The following GALNT18 variants were observed in gnomAD, a reference collection of about 807,000 sequenced individuals.
GALNT18 encodes polypeptide N-acetylgalactosaminyltransferase 18.
In GALNT18, 44 loss-of-function variants were observed where a neutral mutation model predicts 69.5. The observed-to-expected ratio is 0.63, with a 90% confidence interval of 0.50 to 0.81. The LOEUF (loss-of-function observed/expected upper bound fraction) is 0.81, where lower values mean the gene tolerates loss of function less well. Ranked by LOEUF, GALNT18 falls within the 40% of genes least tolerant of loss-of-function variation. The pLI is 0.00. For synonymous variants in GALNT18, 364 were observed against 318.2 expected, an observed-to-expected ratio of 1.14 and a Z score of -1.53; for missense variants, 715 against 810.0, an observed-to-expected ratio of 0.88 and a Z score of 1.42.
At chr11:11,400,468 G>A (rs1236037250) in intron 3 of GALNT18, among the ~76,000 whole-genome samples, 1 of 152,214 alleles carries the variant, frequency 6.6e-6, no homozygotes, top group African/African-American at 2.4e-5. Context: ...GAGAATGTAT[G>A]CCCTGTCTAA....
At chr11:11,467,891 G>T (rs1207718878) in intron 1 of GALNT18, among the ~76,000 whole-genome samples, 1 of 152,130 alleles carries the variant, frequency 6.6e-6, no homozygotes, top group African/African-American at 2.4e-5. Flanking sequence ...GTGTATACAA[G>T]AATCCACCTG....
chr11:11,302,048 A>T (rs1489604172), intron 9 of GALNT18, among the ~76,000 whole-genome samples: 1 of 152,220 alleles, frequency 6.6e-6, no homozygotes, highest in Non-Finnish European at 1.5e-5. Flanking sequence ...TAGCAGAGGA[A>T]ACAGGCAAAC....
intron 6 of GALNT18, among the ~76,000 whole-genome samples, chr11:11,342,311 T>C (rs1303397152): frequency 6.6e-6 from 1 of 152,238 alleles, no homozygotes; most frequent in African/African-American, 2.4e-5. Flanking sequence ...TTAGAGCTGA[T>C]GAATGTGGCT....
Position 11,450,090 on chromosome 11 carries a change from A to C in GALNT18, c.236-1154T>G, listed in dbSNP as rs1251885424. ...GAAATTGGACAGAACTGGCAAGCCC[A>C]CTGGACAGGGTCGTCTATGCTCACA... On this transcript the variant is annotated intron_variant, in intron 1 of 10. Transcript: ENST00000227756. Among the ~76,000 whole-genome samples the C allele has an allele frequency of 1.2e-4, 18 of 149,156 alleles. No individual in the cohort carries two copies. In the East Asian group the frequency reaches 3.2e-3, roughly 27 times the overall value.
rs538371051 is a variant in GALNT18, at chr11:11,603,651, A to G, written c.235+17708T>C. 2.9e-4 allele frequency among the ~76,000 whole-genome samples: 44 copies of G among 152,260 alleles called. No homozygotes were observed. The highest frequency in any genetic ancestry group is 1.0e-3 in the African/African-American group (43 of 41,556). ...TTTTAAATGTTTCCATTCCATATTT[A>G]AAACTCATTTTCTCTCCCTAAAAAG... On this transcript the variant is annotated intron_variant, in intron 1 of 10. Coordinates refer to ENST00000227756, the MANE Select transcript of GALNT18 (RefSeq NM_198516.3). This position sits in a 1 kb window ranked among gnomAD's most constrained non-coding sequence, Gnocchi z 4.5.
At chr11:11,397,523 G>A (rs34633304) in intron 3 of GALNT18, among the ~76,000 whole-genome samples, 15,568 of 152,206 alleles carry the variant, frequency 0.1, 926 homozygotes, top group Non-Finnish European at 0.13. Context: ...GAGTGCAATG[G>A]CACCATCTCG....
intron 1 of GALNT18, among the ~76,000 whole-genome samples, chr11:11,471,004 T>C (rs971183475): frequency 6.6e-6 from 1 of 152,174 alleles, no homozygotes; most frequent in African/African-American, 2.4e-5. Flanking sequence ...CTTTCTCCTG[T>C]ATCTTCCTTC....
chr11:11,485,086 G>A (rs141419605), intron 1 of GALNT18, among the ~76,000 whole-genome samples: 301 of 152,332 alleles, frequency 2.0e-3, no homozygotes, highest in Admixed American at 5.1e-3. Context: ...ACAATGTAGG[G>A]ACAACATGTT....
At chr11:11,287,116 G>A (rs1244184291) in intron 10 of GALNT18, among the ~76,000 whole-genome samples, 6 of 152,138 alleles carry the variant, frequency 3.9e-5, no homozygotes. Flanking sequence ...CTCCCTCAGG[G>A]CTACATAGGA....
intron 10 of GALNT18, among the ~76,000 whole-genome samples, chr11:11,282,302 T>G (rs1849096944): frequency 6.6e-6 from 1 of 152,174 alleles, no homozygotes; most frequent in South Asian, 2.1e-4. Flanking sequence ...CAACTGTACT[T>G]CTGCCTGCAG....
chr11:11,334,915 A>C (rs1850084193), intron 7 of GALNT18, among the ~76,000 whole-genome samples: 1 of 152,228 alleles, frequency 6.6e-6, no homozygotes. Flanking sequence ...CTGGCAGTAG[A>C]TGTAATCTAC....
intron 7 of GALNT18, among the ~76,000 whole-genome samples, chr11:11,334,502 C>G (rs978690026): frequency 2.5e-4 from 38 of 150,956 alleles, no homozygotes; most frequent in African/African-American, 8.5e-4. Flanking sequence ...GAGATCGCAC[C>G]ATTGCACTCC....
At chr11:11,412,596 C>A (rs530155982) in intron 3 of GALNT18, among the ~76,000 whole-genome samples, 1 of 152,244 alleles carries the variant, frequency 6.6e-6, no homozygotes, top group Non-Finnish European at 1.5e-5. Flanking sequence ...GCATGACCTG[C>A]AGAGGTTCCA....
intron 1 of GALNT18, among the ~76,000 whole-genome samples, chr11:11,597,260 T>C (rs192465733): frequency 2.4e-4 from 37 of 152,332 alleles, no homozygotes; most frequent in Admixed American, 1.9e-3. Context: ...TCTTTCATTA[T>C]GACATTTTTG....
chr11:11,614,235 T>C lies in GALNT18; in HGVS notation c.235+7124A>G, dbSNP rs1274702269. Among the ~76,000 whole-genome samples, 1 of 152,124 alleles carries C rather than the reference T, an allele frequency of 6.6e-6. No homozygotes were observed. Among genetic ancestry groups the C allele is most frequent in the East Asian group, 1.9e-4 (1 of 5,186 alleles). On this transcript the variant is annotated intron_variant, in intron 1 of 10. Coordinates refer to ENST00000227756, the MANE Select transcript of GALNT18 (RefSeq NM_198516.3). This position sits in a 1 kb window ranked among gnomAD's most constrained non-coding sequence, Gnocchi z 5.6. ...TCTGCAAGCTGTTCGAAGTCCAGCA[T>C]CTGCTAGGCTCCTGGGGAGACTCCA...
In GALNT18 at chr11:11,339,540, C is replaced by T. The variant is rs1589919075; in HGVS notation, c.1278+1279G>A. Among the ~76,000 whole-genome samples the T allele has an allele frequency of 6.6e-6, 1 of 152,146 alleles. No individual in the cohort carries two copies. On this transcript the variant is annotated intron_variant, in intron 7 of 10. Coordinates refer to ENST00000227756, the MANE Select transcript of GALNT18 (RefSeq NM_198516.3). This position sits in a 1 kb window ranked among gnomAD's most constrained non-coding sequence, Gnocchi z 5.2. ...CTTAATATTTTGCCATCACAGGACA[C>T]CTACCACAGGGCTTGGCACCCCGTG...
At chr11:11,493,110 A>T (rs1289425341) in intron 1 of GALNT18, among the ~76,000 whole-genome samples, 1 of 151,516 alleles carries the variant, frequency 6.6e-6, no homozygotes, top group Non-Finnish European at 1.5e-5. Flanking sequence ...AAAATACAAA[A>T]ATTAGCCAGG....
In GALNT18 at chr11:11,309,832, G is replaced by C. The variant is rs1374116426; in HGVS notation, c.1513-16639C>G. Among the ~76,000 whole-genome samples the C allele has an allele frequency of 2.0e-5, 3 of 152,030 alleles. No individual in the cohort carries two copies. Among genetic ancestry groups the C allele is most frequent in the African/African-American group, 7.3e-5 (3 of 41,358 alleles). On this transcript the variant is annotated intron_variant, in intron 9 of 10. Coordinates refer to ENST00000227756, the MANE Select transcript of GALNT18 (RefSeq NM_198516.3). The surrounding 1 kb of genome is among the most constrained non-coding windows in gnomAD (Gnocchi z 4.6). ...GACAGCCTGCAAACTTGTTCCTCCT[G>C]GGCCTCAGCAGAAGTTCATTTCCTG...
rs879361945 is a variant in GALNT18, at chr11:11,490,227, T to TAACACACA, written c.236-41292_236-41291insTGTGTGTT. ...CTCTCTCTCTCTCTCTCTCTCTCTC[T>TAACACACA]CTCTCTAACACACACACACACACAC... On this transcript the variant is annotated intron_variant, in intron 1 of 10. Transcript: ENST00000227756. Among the ~76,000 whole-genome samples the TAACACACA allele has an allele frequency of 2.1e-3, 160 of 74,448 alleles. 1 individual carries two copies. The highest frequency in any genetic ancestry group is 4.5e-3 in the African/African-American group (84 of 18,836). The allele number at this position is 74,448 out of a possible 152,430, so 48.8% of individuals were successfully genotyped here.
Sources: gnomAD v4.1 joint callset for allele counts (sites outside exome capture counted in the v4.1 genomes callset) on GRCh38, gnomAD v4.1.1 for gene constraint, Gnocchi (gnomAD v3.1) non-coding constraint, MANE v1.5 for transcripts, NCBI Gene and HGNC (gene_info 2026-07-23, HGNC 2026-07-21) for gene names.